ASIC2: variants seen among roughly 807,000 people sequenced by gnomAD.
The protein encoded by ASIC2 is acid-sensing ion channel 2.
ASIC2 carries 25 observed loss-of-function variants against 57.3 expected under a neutral mutation model. That is an observed-to-expected ratio of 0.44 (90% confidence interval 0.32 to 0.61). The LOEUF is 0.61. ASIC2 is among the 20% of genes least tolerant of loss of function. The probability of loss-of-function intolerance (pLI) is 0.06; values close to 1 mark genes in which losing one functional copy is unlikely to be tolerated. For missense variants in ASIC2, 641 were observed against 738.1 expected, an observed-to-expected ratio of 0.87 and a Z score of 1.52; for synonymous variants, 319 against 307.5, an observed-to-expected ratio of 1.04 and a Z score of -0.39.
At chr17:33,923,210 G>A (rs1915746594) in intron 1 of ASIC2, among the ~76,000 whole-genome samples, 1 of 152,192 alleles carries the variant, frequency 6.6e-6, no homozygotes. Context: ...AGAGTTCTGT[G>A]CCAAAAGAGA....
chr17:33,722,299 G>A (rs1242733565), intron 1 of ASIC2, among the ~76,000 whole-genome samples: 3 of 152,298 alleles, frequency 2.0e-5, no homozygotes, highest in Non-Finnish European at 4.4e-5. Context: ...ATGATTGTGA[G>A]GCCTCCCCAG....
intron 1 of ASIC2, among the ~76,000 whole-genome samples, chr17:33,884,017 G>C (rs975529962): frequency 6.6e-6 from 1 of 152,164 alleles, no homozygotes; most frequent in African/African-American, 2.4e-5. Flanking sequence ...GTGTAGCCAC[G>C]AGACTATATA....
At chr17:33,432,907 T>C (rs1290320677) in intron 1 of ASIC2, among the ~76,000 whole-genome samples, 1 of 152,196 alleles carries the variant, frequency 6.6e-6, no homozygotes, top group Non-Finnish European at 1.5e-5. Context: ...AAATAACTGA[T>C]GTTGGCAAGG....
chr17:33,565,654 A>G (rs904873436), intron 1 of ASIC2: 1 of 152,172 alleles, frequency 6.6e-6, no homozygotes, highest in African/African-American at 2.4e-5. Context: ...GGATAATCCC[A>G]TTCCCCCTAA....
intron 1 of ASIC2, among the ~76,000 whole-genome samples, chr17:33,282,934 C>G (rs1305649406): frequency 1.3e-5 from 2 of 152,194 alleles, no homozygotes; most frequent in Non-Finnish European, 2.9e-5. Context: ...ATCACATCTG[C>G]AAAGTCCCTT....
At chr17:33,918,813 C>T (rs1915645224) in intron 1 of ASIC2, among the ~76,000 whole-genome samples, 1 of 152,184 alleles carries the variant, frequency 6.6e-6, no homozygotes, top group African/African-American at 2.4e-5. Flanking sequence ...GAGAAGCTGG[C>T]ATCACAGGCA....
intron 3 of ASIC2, among the ~76,000 whole-genome samples, chr17:33,041,926 C>A (rs952233131): frequency 6.6e-6 from 1 of 152,142 alleles, no homozygotes; most frequent in Non-Finnish European, 1.5e-5. Context: ...TGTGAGGTCC[C>A]CCTGTTTCTA....
chr17:33,332,229 C>T (rs761670420), intron 1 of ASIC2, among the ~76,000 whole-genome samples: 18 of 152,120 alleles, frequency 1.2e-4, no homozygotes, highest in African/African-American at 2.4e-4. Flanking sequence ...TTGCTACCAG[C>T]GCTGCCTTAC....
At chr17:33,493,552 A>C (rs1913827900) in intron 1 of ASIC2, among the ~76,000 whole-genome samples, 2 of 152,036 alleles carry the variant, frequency 1.3e-5, no homozygotes. Context: ...TGCCCCCTTC[A>C]GTCAGTCAAG....
intron 1 of ASIC2, among the ~76,000 whole-genome samples, chr17:33,132,695 C>T (rs2092352106): frequency 6.6e-6 from 1 of 152,212 alleles, no homozygotes; most frequent in Non-Finnish European, 1.5e-5. Context: ...AATGAAAAGG[C>T]AGCTATTCCT....
At chr17:33,947,755 AT>A (rs376091322) in intron 1 of ASIC2, among the ~76,000 whole-genome samples, 13 of 152,304 alleles carry the variant, frequency 8.5e-5, no homozygotes, top group African/African-American at 1.2e-4. Flanking sequence ...GTTGTGTTCA[AT>A]TTTATTTTCT....
chr17:33,366,087 G>T (rs941425688), intron 1 of ASIC2, among the ~76,000 whole-genome samples: 1 of 152,232 alleles, frequency 6.6e-6, no homozygotes, highest in Non-Finnish European at 1.5e-5. Flanking sequence ...GAGGCTGTTT[G>T]CTTCTGGCTG....
At chr17:33,279,132 T>C (rs1904835249) in intron 1 of ASIC2, among the ~76,000 whole-genome samples, 2 of 152,208 alleles carry the variant, frequency 1.3e-5, no homozygotes, top group Admixed American at 1.3e-4. Context: ...TGATTTGTTG[T>C]AAGTTATACA....
At chr17:33,256,347 G>C (rs1360707749) in intron 1 of ASIC2, among the ~76,000 whole-genome samples, 28 of 152,104 alleles carry the variant, frequency 1.8e-4, no homozygotes. Context: ...TATGAGCCCA[G>C]TGTGCAAAGA....
At chr17:33,651,704 C>T (rs1401562647) in intron 1 of ASIC2, among the ~76,000 whole-genome samples, 6 of 152,246 alleles carry the variant, frequency 3.9e-5, no homozygotes, top group Non-Finnish European at 7.3e-5. Context: ...TCAAGAAGCC[C>T]GCAGTCTGCT....
At chr17:34,015,246 T>C (rs1395026130) in intron 1 of ASIC2, among the ~76,000 whole-genome samples, 2 of 151,988 alleles carry the variant, frequency 1.3e-5, no homozygotes, top group Non-Finnish European at 2.9e-5. Flanking sequence ...GGGCTACAAT[T>C]TGGGGTGACA....
chr17:33,419,835 C>T (rs1280950838), intron 1 of ASIC2, among the ~76,000 whole-genome samples: 4 of 151,680 alleles, frequency 2.6e-5, no homozygotes, highest in African/African-American at 7.3e-5. Flanking sequence ...TTCATCTAGT[C>T]GTGTTGATGA....
intron 1 of ASIC2, among the ~76,000 whole-genome samples, chr17:34,063,757 A>T (rs1909056776): frequency 6.6e-6 from 1 of 152,062 alleles, no homozygotes; most frequent in Non-Finnish European, 1.5e-5. Context: ...CAAGAACTCA[A>T]CCCCTTTTAA....
At chr17:33,638,538 C>T (rs890814589) in intron 1 of ASIC2, among the ~76,000 whole-genome samples, 3 of 152,090 alleles carry the variant, frequency 2.0e-5, no homozygotes, top group African/African-American at 7.2e-5. Flanking sequence ...ACACCATTTG[C>T]ATGAATGCAT....
Sources: allele counts gnomAD v4.1 joint callset (sites outside exome capture counted in the v4.1 genomes callset), GRCh38; gene constraint gnomAD v4.1.1; transcripts MANE v1.5; gene names NCBI Gene and HGNC (gene_info 2026-07-23, HGNC 2026-07-21).